The following MYOCOS variants were observed in gnomAD, a reference collection of about 807,000 sequenced individuals.
MYOCOS encodes myocilin opposite strand, also known as myocilin opposite strand protein.
At chr1:171,600,928 T>C (rs1652130169) in exon 1 of MYOCOS, 1 of 152,248 alleles carries the variant, frequency 6.6e-6, no homozygotes, top group Admixed American at 6.5e-5. Flanking sequence ...GCTACATTTC[T>C]TGGTTCCCTG....
upstream of MYOCOS, among the ~76,000 whole-genome samples, chr1:171,620,426 T>C (rs1384401421): frequency 1.3e-5 from 2 of 152,170 alleles, no homozygotes; most frequent in Non-Finnish European, 2.9e-5. Context: ...GCTGTTCTTT[T>C]TGGGGGCAAA....
chr1:171,607,861 A>G (rs1199181631), intron 1 of MYOCOS, among the ~76,000 whole-genome samples: 1 of 152,226 alleles, frequency 6.6e-6, no homozygotes, highest in African/African-American at 2.4e-5. Flanking sequence ...TAATAAAGAC[A>G]TACCCAAGAC....
At chr1:171,608,607 G>C (rs71637420) in intron 1 of MYOCOS, among the ~76,000 whole-genome samples, 3 of 151,820 alleles carry the variant, frequency 2.0e-5, no homozygotes, top group Admixed American at 2.0e-4. Flanking sequence ...ATTTTTAGTA[G>C]AGATGGGGTT....
intron 1 of MYOCOS, among the ~76,000 whole-genome samples, chr1:171,607,356 T>G (rs531304511): frequency 2.8e-4 from 42 of 152,254 alleles, no homozygotes; most frequent in African/African-American, 9.1e-4. Flanking sequence ...TTTTCCAGAG[T>G]GAAATAACTT....
chr1:171,615,823 G>A (rs1000257481), intron 2 of MYOCOS, among the ~76,000 whole-genome samples: 1 of 152,222 alleles, frequency 6.6e-6, no homozygotes, highest in African/African-American at 2.4e-5. Context: ...GCAGTAGCTT[G>A]CCGATGCTCC....
In MYOCOS at chr1:171,626,502, C is replaced by G. The variant is rs1246695044; in HGVS notation, c.144C>G (p.Ser48=). 2.5e-6 allele frequency: 1 copy of G among 398,546 alleles called. No homozygotes were observed. Among genetic ancestry groups the G allele is most frequent in the Non-Finnish European group, 4.4e-6 (1 of 226,088 alleles). The allele number at this position is 398,546 out of a possible 1,614,324, so 24.7% of individuals were successfully genotyped here. ...GTGATGAAGCTAAGGAGATGCTCTC[C>G]CACTTGGATTTGGAGCAAGCCCCTC... ...QKSDEAKEML[S]HLDLEQAPPP... The change falls in exon 3 of 3, where the codon TCC becomes TCG. Residue 48 remains serine, a synonymous_variant. Transcript: ENST00000637642.
At chr1:171,619,873 G>C (rs1017130408), upstream of MYOCOS, among the ~76,000 whole-genome samples, 1 of 150,444 alleles carries the variant, frequency 6.6e-6, no homozygotes, top group South Asian at 2.1e-4. Context: ...AATCATTACA[G>C]TGGCTGTATA....
intron 2 of MYOCOS, among the ~76,000 whole-genome samples, chr1:171,616,797 T>C (rs781721118): frequency 2.6e-5 from 4 of 152,172 alleles, no homozygotes; most frequent in Non-Finnish European, 5.9e-5. Context: ...TGGTCAAGGA[T>C]AGGCTGAGGT....
At chr1:171,615,396 G>C (rs975535345) in intron 2 of MYOCOS, among the ~76,000 whole-genome samples, 1 of 152,202 alleles carries the variant, frequency 6.6e-6, no homozygotes, top group African/African-American at 2.4e-5. Flanking sequence ...ATAAGACAAA[G>C]ATGACTTCTA....
At chr1:171,604,574 C>A (rs995330622) in intron 1 of MYOCOS, among the ~76,000 whole-genome samples, 9 of 152,122 alleles carry the variant, frequency 5.9e-5, no homozygotes, top group African/African-American at 2.2e-4. Flanking sequence ...ACTGGTCATT[C>A]TGTAAGTGAC....
intron 1 of MYOCOS, among the ~76,000 whole-genome samples, chr1:171,610,574 AAG>A (rs370888805): frequency 4.0e-5 from 6 of 150,204 alleles, no homozygotes; most frequent in South Asian, 2.1e-4. Context: ...GAGAAAGAGG[AAG>A]AGAGAGAGAG....
At chr1:171,619,021 C>T (rs1475109114), upstream of MYOCOS, among the ~76,000 whole-genome samples, 3 of 152,162 alleles carry the variant, frequency 2.0e-5, no homozygotes, top group Admixed American at 6.5e-5. Context: ...TTGGTGCCCC[C>T]AATTTGTTTT....
intron 1 of MYOCOS, among the ~76,000 whole-genome samples, chr1:171,613,469 A>C (rs1408560616): frequency 6.6e-6 from 1 of 152,168 alleles, no homozygotes; most frequent in Non-Finnish European, 1.5e-5. Flanking sequence ...TTAGCCCATT[A>C]AAGACTTCAT....
Position 171,615,644 on chromosome 1 carries a change from G to T in MYOCOS, c.-44+639G>T, listed in dbSNP as rs112775675. Reference sequence around the variant, plus strand: ...TCTAGACATTGTATAGAAGAACATTGTGAAACTCCCTGCCCTGTTCTGTTT... The same window carrying T: ...TCTAGACATTGTATAGAAGAACATTTTGAAACTCCCTGCCCTGTTCTGTTT... On this transcript the variant is annotated intron_variant, in intron 2 of 3. Transcript: ENST00000636697. Among the ~76,000 whole-genome samples the T allele has an allele frequency of 6.0e-3, 912 of 152,302 alleles. 5 individuals carry two copies. Among genetic ancestry groups the T allele is most frequent in the African/African-American group, 0.02 (848 of 41,566 alleles).
At chr1:171,608,396 C>T (rs1652293251) in intron 1 of MYOCOS, among the ~76,000 whole-genome samples, 1 of 142,060 alleles carries the variant, frequency 7.0e-6, no homozygotes, top group African/African-American at 2.7e-5. Context: ...GCCTTGAGTC[C>T]AGGGAACCAG....
chr1:171,619,570 C>T (rs111619579), upstream of MYOCOS, among the ~76,000 whole-genome samples: 4 of 152,152 alleles, frequency 2.6e-5, 1 homozygote, highest in African/African-American at 9.6e-5. Flanking sequence ...AAATCAAGGC[C>T]GAGCACAGTG....
intron 1 of MYOCOS, among the ~76,000 whole-genome samples, chr1:171,610,834 A>G (rs1652339508): frequency 6.6e-6 from 1 of 152,254 alleles, no homozygotes; most frequent in Non-Finnish European, 1.5e-5. Context: ...GCAGGATCCC[A>G]TGAAGGTAAA....
rs115025539 is a variant in MYOCOS, at chr1:171,613,755, C to T, written c.-251-1043C>T. ...TAGCTATAGGGTCTCACTATGTTGCCCCGGTTGGTCTTGAACTCCTGAGCT... is the reference window on the plus strand; with the variant it reads ...TAGCTATAGGGTCTCACTATGTTGCTCCGGTTGGTCTTGAACTCCTGAGCT... On this transcript the variant is annotated intron_variant, in intron 1 of 3. Coordinates refer to the MYOCOS transcript ENST00000636697. Among the ~76,000 whole-genome samples the T allele has an allele frequency of 2.7e-3, 418 of 152,112 alleles. 3 individuals are homozygous for T. The highest frequency in any genetic ancestry group is 9.4e-3 in the African/African-American group (389 of 41,496).
At chr1:171,602,983 C>T (rs1652171223) in intron 1 of MYOCOS, among the ~76,000 whole-genome samples, 2 of 152,134 alleles carry the variant, frequency 1.3e-5, no homozygotes, top group African/African-American at 4.8e-5. Flanking sequence ...GGCCAGAGGC[C>T]CCGATTGTCC....
Sources: gnomAD v4.1 joint callset for allele counts (sites outside exome capture counted in the v4.1 genomes callset) on GRCh38, gnomAD v4.1.1 for gene constraint, MANE v1.5 for transcripts, NCBI Gene and HGNC (gene_info 2026-07-23, HGNC 2026-07-21) for gene names.